Variants in ZNF652 observed in about 807,000 individuals in gnomAD.
ZNF652 encodes zinc finger protein 652.
In ZNF652, 16 loss-of-function variants were observed where a neutral mutation model predicts 45.2. The observed-to-expected ratio is 0.35, with a 90% CI of 0.24 to 0.54. The LOEUF (loss-of-function observed/expected upper bound fraction) is 0.54. ZNF652 is among the 20% of genes least tolerant of loss of function. ZNF652 has a pLI of 0.91. For missense variants in ZNF652, 614 were observed against 765.6 expected, an observed-to-expected ratio of 0.80 and a Z score of 2.34; for synonymous variants, 250 against 260.6, an observed-to-expected ratio of 0.96 and a Z score of 0.39.
At position 49,291,913 on chromosome 17, in the gene ZNF652, T is replaced by C. The variant is rs2069409073; in HGVS notation, c.*6500A>G. ...CCCATCCCAAATAGCAGTGAAGCCTTCAAAAATCTTGAATTTATTCATCAT... is the reference window on the plus strand; with the variant it reads ...CCCATCCCAAATAGCAGTGAAGCCTCCAAAAATCTTGAATTTATTCATCAT... On this transcript the variant is annotated 3_prime_UTR_variant, in exon 6 of 6. Transcript: ENST00000430262. Among the ~76,000 whole-genome samples, 1 of 152,186 alleles carries C rather than the reference T, an allele frequency of 6.6e-6. No homozygotes were observed. The highest frequency in any genetic ancestry group is 1.5e-5 in the Non-Finnish European group (1 of 68,024).
chr17:49,327,730 A>AATAT (rs68056731), intron 1 of ZNF652, among the ~76,000 whole-genome samples: 65 of 61,378 alleles, frequency 1.1e-3, no homozygotes, highest in African/African-American at 2.6e-3. Context: ...TAAATAAATA[A>AATAT]ATATATATAT....
At chr17:49,347,958 C>T (rs927527867) in intron 1 of ZNF652, among the ~76,000 whole-genome samples, 1 of 151,830 alleles carries the variant, frequency 6.6e-6, no homozygotes, top group Non-Finnish European at 1.5e-5. Context: ...GTTGCCCAGG[C>T]TGTTCTCAAA....
At chr17:49,307,153 G>C (rs2143742030) in intron 5 of ZNF652, among the ~76,000 whole-genome samples, 1 of 152,118 alleles carries the variant, frequency 6.6e-6, no homozygotes, top group Middle Eastern at 3.4e-3. Context: ...TCACTGGCCG[G>C]GCTCAGGGGT....
chr17:49,299,223 T>C (rs1190476368), intron 5 of ZNF652, among the ~76,000 whole-genome samples: 1 of 152,076 alleles, frequency 6.6e-6, no homozygotes, highest in East Asian at 1.9e-4. Flanking sequence ...TGGGCTTAGA[T>C]AAAAGAAGAA....
At chr17:49,334,920 G>A (rs1244807504) in intron 1 of ZNF652, among the ~76,000 whole-genome samples, 5 of 152,116 alleles carry the variant, frequency 3.3e-5, no homozygotes, top group Admixed American at 6.6e-5. Context: ...GCCAGAATAA[G>A]CAAATAGAGA....
At chr17:49,322,282 G>A (rs1366014054) in intron 1 of ZNF652, 1 of 152,188 alleles carries the variant, frequency 6.6e-6, no homozygotes, top group African/African-American at 2.4e-5. Context: ...CAAGTTTAAT[G>A]TCTGAAGTGA....
chr17:49,348,327 A>G (rs527239584), intron 1 of ZNF652, among the ~76,000 whole-genome samples: 1 of 151,738 alleles, frequency 6.6e-6, no homozygotes, highest in Admixed American at 6.6e-5. Context: ...CCCTATCTCT[A>G]CAAAAAAAAT....
In ZNF652 at chr17:49,332,398, T is replaced by C. The variant is rs563779601; in HGVS notation, c.-258-14415A>G. Among the ~76,000 whole-genome samples the C allele has an allele frequency of 1.7e-4, 26 of 152,326 alleles. No individual in the cohort carries two copies. In the South Asian group the frequency reaches 5.2e-3, roughly 30 times the overall value. On this transcript the variant is annotated intron_variant, in intron 1 of 5. Transcript: ENST00000430262. ...ACCCAAACATAATGTATGCAAAACA[T>C]AGCCAACAGAAAAAGACAAATTGCT...
chr17:49,295,807 G>C lies in ZNF652; in HGVS notation c.*2606C>G, dbSNP rs1424060715. ...ACAAAACTTAGCCGGGCGTGCTGGC[G>C]CATGCCTGTAATTCCAGCTACTCGG... On this transcript the variant is annotated 3_prime_UTR_variant, in exon 6 of 6. Coordinates refer to ENST00000430262, the MANE Select transcript of ZNF652 (RefSeq NM_001145365.3). 1 of 151,666 alleles carries C rather than the reference G, an allele frequency of 6.6e-6. No homozygotes were observed. The highest frequency in any genetic ancestry group is 1.9e-4 in the East Asian group (1 of 5,152). 9.4% of individuals were successfully genotyped at this position (151,666 alleles called of 1,614,324 possible).
chr17:49,312,939 G>T, intron 2 of ZNF652, 94 bp from the exon 3 acceptor site: 2 of 1,276,482 alleles, frequency 1.6e-6, no homozygotes, highest in Non-Finnish European at 1.1e-6. Flanking sequence ...TAGGTTCATG[G>T]CACAAGGCCA....
At chr17:49,351,047 A>C in intron 1 of ZNF652, among the ~76,000 whole-genome samples, 1 of 140,262 alleles carries the variant, frequency 7.1e-6, no homozygotes, top group Non-Finnish European at 1.5e-5. Context: ...ACACACACAC[A>C]CACACACATA....
chr17:49,289,083 T>C (rs1383813726), downstream of ZNF652: 1 of 151,956 alleles, frequency 6.6e-6, no homozygotes, highest in Non-Finnish European at 1.5e-5. Flanking sequence ...AAACAACAAA[T>C]AACAGCAGAA....
chr17:49,317,189 C>G lies in ZNF652; in HGVS notation c.537G>C (p.Glu179Asp). 1 of 1,613,732 alleles carries G rather than the reference C, an allele frequency of 6.2e-7. No homozygotes were observed. Among genetic ancestry groups the G allele is most frequent in the Non-Finnish European group, 8.5e-7 (1 of 1,180,012 alleles). ...YGENEKQKKK[E>D]KIVEKVSVTQ... ...TAACGCTGACTTTCTCTACTATCTTCTCCTTTTTCTTCTGCTTTTCATTCT... is the reference window on the plus strand; with the variant it reads ...TAACGCTGACTTTCTCTACTATCTTGTCCTTTTTCTTCTGCTTTTCATTCT... The change falls in exon 2 of 6, where the codon GAG (glutamate) becomes GAC (aspartate). Residue 179 changes from glutamate to aspartate, a missense_variant. Physicochemically the swap from Glu to Asp is conservative, Grantham distance 45. Around this residue, in one of 5 missense-constraint regions of ZNF652, gnomAD observed 262 missense variants for 306.3 expected, o/e 0.86. Coordinates refer to ENST00000430262, the MANE Select transcript of ZNF652 (RefSeq NM_001145365.3).
At chr17:49,314,873 G>GTT (rs1315021374) in intron 2 of ZNF652, among the ~76,000 whole-genome samples, 1 of 151,986 alleles carries the variant, frequency 6.6e-6, no homozygotes, top group Non-Finnish European at 1.5e-5. Flanking sequence ...TGTAGGGCAG[G>GTT]TTTTTTGTTT....
chr17:49,336,888 G>A (rs1029922024), intron 1 of ZNF652, among the ~76,000 whole-genome samples: 1 of 150,036 alleles, frequency 6.7e-6, no homozygotes, highest in African/African-American at 2.5e-5. Context: ...CCAAAATGCT[G>A]GGATTATAGG....
intron 1 of ZNF652, among the ~76,000 whole-genome samples, chr17:49,336,694 T>A (rs1349213772): frequency 6.6e-6 from 1 of 151,086 alleles, no homozygotes; most frequent in African/African-American, 2.4e-5. Context: ...AGACGCAATC[T>A]CGGCTTACTG....
intron 5 of ZNF652, among the ~76,000 whole-genome samples, chr17:49,302,043 G>A (rs1435501849): frequency 6.6e-6 from 1 of 152,056 alleles, no homozygotes; most frequent in Admixed American, 6.6e-5. Context: ...CTTAAACCTA[G>A]GAGTTTGAGA....
chr17:49,343,406 T>C (rs1318879284), intron 1 of ZNF652, among the ~76,000 whole-genome samples: 1 of 152,152 alleles, frequency 6.6e-6, no homozygotes, highest in East Asian at 1.9e-4. Context: ...CTAACTGCAC[T>C]GGAATGTCTA....
At chr17:49,326,201 C>A (rs915161921) in intron 1 of ZNF652, among the ~76,000 whole-genome samples, 4 of 144,864 alleles carry the variant, frequency 2.8e-5, no homozygotes, top group African/African-American at 1.0e-4. Flanking sequence ...TTGCTTGAGC[C>A]CAGGAGACCA....
Sources: allele counts gnomAD v4.1 joint callset (sites outside exome capture counted in the v4.1 genomes callset), GRCh38; gene constraint gnomAD v4.1.1; regional missense constraint gnomAD v4.1.1; transcripts MANE v1.5; gene names NCBI Gene and HGNC (gene_info 2026-07-23, HGNC 2026-07-21).